Variants in TMEM269 observed in about 807,000 individuals in gnomAD.
TMEM269 encodes the protein transmembrane protein 269.
A neutral mutation model predicts 15.8 loss-of-function variants in TMEM269; 12 were observed. The observed-to-expected ratio is 0.76, with a 90% confidence interval of 0.49 to 1.23. The LOEUF is 1.23. Ranked by LOEUF, TMEM269 falls within the 50% of genes most tolerant of loss-of-function variation. The pLI, the probability that TMEM269 is intolerant of heterozygous loss-of-function variation, is 0.00. For missense variants in TMEM269, 211 were observed against 245.4 expected, an observed-to-expected ratio of 0.86 and a Z score of 0.94; for synonymous variants, 93 against 99.3, an observed-to-expected ratio of 0.94 and a Z score of 0.38.
chr1:42,789,457 T>C (rs942018209), intron 1 of TMEM269: 4 of 1,535,394 alleles, frequency 2.6e-6, no homozygotes, highest in Admixed American at 3.9e-5. Flanking sequence ...CCATACCCCC[T>C]GCATTCTGGG....
At chr1:42,787,462 C>T (rs542312883) in intron 1 of TMEM269, among the ~76,000 whole-genome samples, 3 of 151,274 alleles carry the variant, frequency 2.0e-5, no homozygotes, top group Middle Eastern at 3.4e-3. Context: ...TAGCCGGGCG[C>T]GGTGGCGGGC....
chr1:42,791,575 T>G (rs1653685798), intron 2 of TMEM269, among the ~76,000 whole-genome samples: 1 of 152,178 alleles, frequency 6.6e-6, no homozygotes, highest in African/African-American at 2.4e-5. Flanking sequence ...AGTGCTTTGC[T>G]TTGAGGGAAA....
At chr1:42,795,903 G>A (rs370226420) in intron 5 of TMEM269, among the ~76,000 whole-genome samples, 4 of 152,290 alleles carry the variant, frequency 2.6e-5, no homozygotes, top group African/African-American at 7.2e-5. Flanking sequence ...AGCACCAACA[G>A]CCCTTTCAAA....
chr1:42,796,767 A>G (rs575725816), intron 5 of TMEM269: 1 of 152,242 alleles, frequency 6.6e-6, no homozygotes, highest in Admixed American at 6.5e-5. Flanking sequence ...ATCAATGACT[A>G]TTCTTGAAAT....
Position 42,792,876 on chromosome 1 carries a change from G to A in TMEM269, c.113G>A (p.Ser38Asn). 6.4e-7 allele frequency: 1 copy of A among 1,550,590 alleles called. No individual in the cohort carries two copies. The highest frequency in any genetic ancestry group is 8.7e-7 in the Non-Finnish European group (1 of 1,146,998). The change falls in exon 3 of 6, where the codon AGC becomes AAC. Residue 38 changes from serine (S) to asparagine (N), a missense_variant. By Grantham distance (46) the Ser-to-Asn change is conservative. Transcript: ENST00000637012. Reference protein sequence around the residue: ...LLDMAVRAMTSHINICSKLGA... With the variant: ...LLDMAVRAMTNHINICSKLGA... Reference sequence around the variant, plus strand: ...GACATGGCAGTCAGGGCAATGACCAGCCACATCAACATATGCTCCAAATTG... The same window carrying A: ...GACATGGCAGTCAGGGCAATGACCAACCACATCAACATATGCTCCAAATTG...
chr1:42,798,567 G>A lies in TMEM269; in HGVS notation c.*342G>A, dbSNP rs11810637. On this transcript the variant is annotated 3_prime_UTR_variant, in exon 6 of 6. Transcript: ENST00000637012. ...AGGTCCATCCCTTGGAAAGGAGTGA[G>A]AGCCTTCAGAACTGGTATTGGCCTC... 1 of 259,182 alleles carries A rather than the reference G, an allele frequency of 3.9e-6. No homozygotes were observed. Among genetic ancestry groups the A allele is most frequent in the Admixed American group, 4.6e-5 (1 of 21,566 alleles). The allele number at this position is 259,182 out of a possible 1,614,324, so 16.1% of individuals were successfully genotyped here.
chr1:42,791,137 A>G (rs1389717648), intron 2 of TMEM269, among the ~76,000 whole-genome samples: 4 of 152,254 alleles, frequency 2.6e-5, no homozygotes, highest in Non-Finnish European at 5.9e-5. Context: ...TGATGAGTCT[A>G]CTATCAAGGT....
At chr1:42,793,485 T>G in intron 3 of TMEM269, 116 bp from the exon 4 acceptor site, 1 of 1,038,334 alleles carries the variant, frequency 9.6e-7, no homozygotes, top group African/African-American at 1.6e-5. Flanking sequence ...GAGCAGCTGT[T>G]GCTTTCTGTG....
In TMEM269 at chr1:42,794,573, C is replaced by T. The variant is rs1277585729; in HGVS notation, c.444C>T (p.Ile148=). ...AGAGCTACTATCCATATGACAAAAT[C>T]CTGGAGTCTGAGAACTGGAAAAAAT... is the stretch of plus-strand genomic sequence containing the variant. ...MDQSYYPYDK[I]LESENWKKLV... is the part of the protein sequence containing the mutation. The change falls in exon 5 of 6, where the codon ATC becomes ATT. Residue 148 remains isoleucine, a synonymous_variant. Transcript: ENST00000637012. The T allele has an allele frequency of 6.4e-7, 1 of 1,550,764 alleles. No homozygotes were observed. The highest frequency in any genetic ancestry group is 1.4e-5 in the African/African-American group (1 of 73,012).
intron 1 of TMEM269, among the ~76,000 whole-genome samples, chr1:42,787,322 C>T (rs573815578): frequency 9.9e-5 from 15 of 151,632 alleles, no homozygotes; most frequent in African/African-American, 2.7e-4. Context: ...CTTGCCTGGC[C>T]GGGCGCGGTG....
intron 1 of TMEM269, chr1:42,789,329 T>C: frequency 2.1e-6 from 2 of 970,560 alleles, no homozygotes; most frequent in Non-Finnish European, 3.1e-6. Context: ...GCTGCAGCCC[T>C]GTGCTTCAGA....
rs911622628 is a variant in TMEM269 at position 42,798,203 on chromosome 1, C to G, written c.590C>G (p.Ala197Gly). The G allele has an allele frequency of 3.2e-5, 50 of 1,547,676 alleles. No homozygotes were observed. Among genetic ancestry groups the G allele is most frequent in the Non-Finnish European group, 4.0e-5 (46 of 1,147,032 alleles). Residue 197 changes from alanine to glycine, a missense_variant, in exon 6 of 6, where the codon GCC becomes GGC. By Grantham distance (60) the Ala-to-Gly change is moderately conservative. Coordinates refer to ENST00000637012, the MANE Select transcript of TMEM269 (RefSeq NM_001354602.2). ...FFPDALWGKA[A>G]CLSPQH ...CCAGATGCTCTGTGGGGCAAGGCAGCCTGTCTTTCGCCACAGCACTGAGGA... is the reference window on the plus strand; with the variant it reads ...CCAGATGCTCTGTGGGGCAAGGCAGGCTGTCTTTCGCCACAGCACTGAGGA...
Position 42,788,602 on chromosome 1 carries a change from C to T in TMEM269, c.-98-1194C>T, listed in dbSNP as rs1653589137. On this transcript the variant is annotated intron_variant, in intron 1 of 5. Coordinates refer to ENST00000637012, the MANE Select transcript of TMEM269 (RefSeq NM_001354602.2). The surrounding 1 kb of genome is among the most constrained non-coding windows in gnomAD (Gnocchi z 4.0). ...CACTGGGGGGCCTGGGCTGGACGGT[C>T]CCACACACACAGGGAGGCTGCTGCT... Among the ~76,000 whole-genome samples the T allele has an allele frequency of 6.6e-6, 1 of 152,162 alleles. No homozygotes were observed. Among genetic ancestry groups the T allele is most frequent in the South Asian group, 2.1e-4 (1 of 4,824 alleles).
rs886252501 is a variant in TMEM269, at chr1:42,791,400, A to G, written c.42-1405A>G. Among the ~76,000 whole-genome samples the G allele has an allele frequency of 3.3e-5, 5 of 152,376 alleles. No homozygotes were observed. The South Asian group carries it at 1.0e-3, about 32-fold the overall frequency. Reference sequence around the variant, plus strand: ...ACAACATGGAAATGAACTAGAAGTCAATAACAGAAAGATAGCTGAAAAATC... The same window carrying G: ...ACAACATGGAAATGAACTAGAAGTCGATAACAGAAAGATAGCTGAAAAATC... On this transcript the variant is annotated intron_variant, in intron 2 of 5. Transcript: ENST00000637012.
At chr1:42,793,030 AG>A (rs1653727590) in intron 3 of TMEM269, 128 bp downstream of exon 3, 1 of 663,128 alleles carries the variant, frequency 1.5e-6, no homozygotes, top group Non-Finnish European at 2.6e-6. Context: ...CCCCGCTGAG[AG>A]CAGCAGCAGC....
At chr1:42,793,523 C>T in intron 3 of TMEM269, 78 bp from the exon 4 acceptor site, 1 of 1,412,058 alleles carries the variant, frequency 7.1e-7, no homozygotes, top group Non-Finnish European at 9.5e-7. Flanking sequence ...ATCACTACCC[C>T]AGCTCCCCTA....
chr1:42,797,872 T>C lies in TMEM269; in HGVS notation c.485-226T>C, dbSNP rs765162058. ...TATTGGCTGGAACTTCTGATGTGAATTTGACACAGTGGAACCTGAGACTGC... is the reference window on the plus strand; with the variant it reads ...TATTGGCTGGAACTTCTGATGTGAACTTGACACAGTGGAACCTGAGACTGC... On this transcript the variant is annotated intron_variant, in intron 5 of 5. Coordinates refer to ENST00000637012, the MANE Select transcript of TMEM269 (RefSeq NM_001354602.2). This position sits in a 1 kb window ranked among gnomAD's most constrained non-coding sequence, Gnocchi z 4.9. 9 of 670,600 alleles carry C rather than the reference T, an allele frequency of 1.3e-5. No individual in the cohort carries two copies. The highest frequency in any genetic ancestry group is 1.1e-4 in the South Asian group (7 of 66,338). 41.5% of individuals were successfully genotyped at this position (670,600 alleles called of 1,614,324 possible).
chr1:42,790,805 T>A (rs968234436), intron 2 of TMEM269, among the ~76,000 whole-genome samples: 9 of 152,146 alleles, frequency 5.9e-5, no homozygotes, highest in South Asian at 2.1e-4. Flanking sequence ...TGAGTATTTT[T>A]ATTTAACTTC....
At chr1:42,789,990 G>A (rs1653654259) in intron 2 of TMEM269, 56 bp downstream of exon 2, 8 of 1,303,624 alleles carry the variant, frequency 6.1e-6, no homozygotes, top group South Asian at 5.1e-5. Context: ...TGGCATGCGG[G>A]AAGGAGAGGG....
Sources: allele counts gnomAD v4.1 joint callset (sites outside exome capture counted in the v4.1 genomes callset), GRCh38; gene constraint gnomAD v4.1.1; non-coding constraint Gnocchi (gnomAD v3.1); transcripts MANE v1.5; gene names NCBI Gene and HGNC (gene_info 2026-07-23, HGNC 2026-07-21).